The following DPP6 variants were observed in gnomAD, a reference collection of about 807,000 sequenced individuals.
DPP6 encodes A-type potassium channel modulatory protein DPP6.
Under a neutral mutation model 122.6 loss-of-function variants are expected in DPP6, and 69 were observed. The ratio of observed to expected loss-of-function variants is 0.56; its 90% CI spans 0.46 to 0.69. The LOEUF is 0.69. Among genes scored for constraint, DPP6 ranks in the 30% least tolerant of loss-of-function variants. The probability of loss-of-function intolerance (pLI) is 0.00; values close to 1 mark genes in which losing one functional copy is unlikely to be tolerated. For synonymous variants in DPP6, 418 were observed against 433.1 expected (o/e 0.97, Z 0.43); for missense variants, 928 against 1,116.9 (o/e 0.83, Z 2.41).
the DPP6 span, among the ~76,000 whole-genome samples, chr7:153,849,935 ATTAT>A: frequency 1.3e-5 from 2 of 152,160 alleles, no homozygotes; most frequent in Non-Finnish European, 1.5e-5. Flanking sequence ...GAATCCCTCT[ATTAT>A]TTAATAGATA....
At chr7:154,313,702 TATATATATATATACAC>T (rs201424003) in intron 1 of DPP6, among the ~76,000 whole-genome samples, 13,385 of 39,398 alleles carry the variant, frequency 0.34, 4,588 homozygotes, top group East Asian at 0.54. Context: ...TATATATATA[TATATATATATATACAC>T]ACACACGCAC....
At chr7:154,505,081 A>G (rs1284859627) in intron 3 of DPP6, among the ~76,000 whole-genome samples, 3 of 152,200 alleles carry the variant, frequency 2.0e-5, no homozygotes, top group Non-Finnish European at 2.9e-5. Flanking sequence ...TGTTCTGGAC[A>G]GCAGCATCTG....
chr7:154,005,807 C>T (rs1797889736), intron 1 of DPP6, among the ~76,000 whole-genome samples: 1 of 151,522 alleles, frequency 6.6e-6, no homozygotes, highest in Admixed American at 6.6e-5. Context: ...CTTCACCTTC[C>T]GGTTGGACGA....
At chr7:154,843,612 A>G (rs536100314) in intron 16 of DPP6, among the ~76,000 whole-genome samples, 43 of 152,232 alleles carry the variant, frequency 2.8e-4, no homozygotes, top group Non-Finnish European at 5.3e-4. Flanking sequence ...AGGTTGAGAG[A>G]ATGTCTCTAA....
intron 1 of DPP6, among the ~76,000 whole-genome samples, chr7:154,412,824 G>A (rs1042796456): frequency 1.3e-5 from 2 of 152,218 alleles, no homozygotes; most frequent in Non-Finnish European, 2.9e-5. Context: ...ACTGTGGCAG[G>A]TGAGTGCTTG....
chr7:154,221,694 T>G (rs1188772600), intron 1 of DPP6, among the ~76,000 whole-genome samples: 1 of 152,184 alleles, frequency 6.6e-6, no homozygotes, highest in Non-Finnish European at 1.5e-5. Flanking sequence ...AATAATGACT[T>G]CATTACTCTC....
intron 1 of DPP6, among the ~76,000 whole-genome samples, chr7:154,088,235 C>A (rs2150544340): frequency 6.6e-6 from 1 of 151,972 alleles, no homozygotes; most frequent in Non-Finnish European, 1.5e-5. Context: ...TCTCTGCCTG[C>A]CTAATATCCC....
At chr7:154,547,982 G>C (rs1586598717) in intron 4 of DPP6, among the ~76,000 whole-genome samples, 1 of 152,142 alleles carries the variant, frequency 6.6e-6, no homozygotes, top group East Asian at 1.9e-4. Context: ...GCCGAGGCGG[G>C]CAGATCACTT....
chr7:154,638,431 G>A lies in DPP6; in HGVS notation c.680+558G>A, dbSNP rs553505709. On this transcript the variant is annotated intron_variant, in intron 6 of 25. Transcript: ENST00000377770. ...CCCATCACTCCGAGGGGGTTTCAGC[G>A]GCGTGTTGTTCTTGTTTTATTGTCC... Among the ~76,000 whole-genome samples, 388 of 152,266 alleles carry A rather than the reference G, an allele frequency of 2.5e-3. 3 individuals carry two copies. Among genetic ancestry groups the A allele is most frequent in the Non-Finnish European group, 4.1e-3 (282 of 68,026 alleles).
rs1253527454 is a variant in DPP6 at position 154,881,161 on chromosome 7, A to G, written c.2133+219A>G. On this transcript the variant is annotated intron_variant, in intron 21 of 25. Transcript: ENST00000377770. ...TTCTTTTTACATTATCTGGAAGGAAAGAGAAGGGAAGCCAAGTCCCCGCAG... is the reference window on the plus strand; with the variant it reads ...TTCTTTTTACATTATCTGGAAGGAAGGAGAAGGGAAGCCAAGTCCCCGCAG... The G allele has an allele frequency of 7.7e-6, 6 of 780,724 alleles. No individual in the cohort carries two copies. In the South Asian group the frequency reaches 1.1e-4, roughly 14 times the overall value. 48.4% of individuals were successfully genotyped at this position (780,724 alleles called of 1,614,324 possible).
At chr7:153,884,809 G>A (rs936023408), upstream of DPP6, among the ~76,000 whole-genome samples, 64 of 151,738 alleles carry the variant, frequency 4.2e-4, no homozygotes, top group African/African-American at 1.3e-3. Flanking sequence ...GTGAAACCCC[G>A]TCTCTATTAA....
intron 2 of DPP6, among the ~76,000 whole-genome samples, chr7:154,456,286 A>G (rs777393761): frequency 1.5e-4 from 23 of 152,196 alleles, no homozygotes; most frequent in Non-Finnish European, 8.8e-5. Flanking sequence ...ACTTTCTCAG[A>G]TTGCTACTTC....
chr7:154,576,335 CCA>C (rs1831669987), intron 5 of DPP6, among the ~76,000 whole-genome samples: 1 of 152,128 alleles, frequency 6.6e-6, no homozygotes, highest in African/African-American at 2.4e-5. Context: ...ACTCCACACT[CCA>C]CACTCTGCCC....
At chr7:153,878,483 A>T in the DPP6 span, among the ~76,000 whole-genome samples, 5 of 152,182 alleles carry the variant, frequency 3.3e-5, no homozygotes, top group Non-Finnish European at 7.4e-5. Flanking sequence ...AGCTACATAC[A>T]ATATCTCCGA....
chr7:154,305,329 C>T, intron 1 of DPP6: 1 of 1,230,004 alleles, frequency 8.1e-7, no homozygotes, highest in Non-Finnish European at 1.0e-6. Flanking sequence ...GCAAACTCGT[C>T]TTGTCTACCC....
At chr7:154,647,107 A>G (rs6963818) in intron 6 of DPP6, among the ~76,000 whole-genome samples, 131,790 of 152,128 alleles carry the variant, frequency 0.87, 57,386 homozygotes, top group East Asian at 0.98. Context: ...AATGTTGGTT[A>G]ATCACTGGAG....
intron 1 of DPP6, among the ~76,000 whole-genome samples, chr7:154,208,611 G>C (rs2150802840): frequency 6.6e-6 from 1 of 152,318 alleles, no homozygotes; most frequent in East Asian, 1.9e-4. Flanking sequence ...AGAAAATGGA[G>C]TGCTTTGTGC....
chr7:153,958,041 G>A (rs1363646573), intron 1 of DPP6, among the ~76,000 whole-genome samples: 1 of 152,102 alleles, frequency 6.6e-6, no homozygotes, highest in Non-Finnish European at 1.5e-5. Flanking sequence ...GTGGGCGTCT[G>A]TAATCCCAGC....
intron 7 of DPP6, among the ~76,000 whole-genome samples, chr7:154,694,197 T>C (rs1341207172): frequency 6.6e-6 from 1 of 152,160 alleles, no homozygotes; most frequent in South Asian, 2.1e-4. Flanking sequence ...TCGTGAGCGT[T>C]CTCCCCTCAT....
Sources: gnomAD v4.1 joint callset for allele counts (sites outside exome capture counted in the v4.1 genomes callset) on GRCh38, gnomAD v4.1.1 for gene constraint, MANE v1.5 for transcripts, NCBI Gene and HGNC (gene_info 2026-07-23, HGNC 2026-07-21) for gene names.